Variants in FRMD4A observed in about 807,000 individuals in gnomAD.
FRMD4A encodes the protein FERM domain-containing protein 4A.
Under a neutral mutation model 129.1 loss-of-function variants are expected in FRMD4A, and 29 were observed. The ratio of observed to expected loss-of-function variants is 0.22; its 90% CI spans 0.17 to 0.31. The LOEUF (loss-of-function observed/expected upper bound fraction) is 0.31. FRMD4A is among the 10% of genes least tolerant of loss of function. The probability of loss-of-function intolerance (pLI) is 1.00; values close to 1 mark genes in which losing one functional copy is unlikely to be tolerated. For missense variants in FRMD4A, 1,272 were observed against 1,375.8 expected (o/e 0.92, Z 1.19); for synonymous variants, 634 against 571.6 (o/e 1.11, Z -1.56).
chr10:14,168,803 T>C (rs1005051708), intron 2 of FRMD4A, among the ~76,000 whole-genome samples: 2 of 152,068 alleles, frequency 1.3e-5, no homozygotes, highest in African/African-American at 4.8e-5. Context: ...AAACTGAGGC[T>C]CAAAAAAGGT....
intron 2 of FRMD4A, among the ~76,000 whole-genome samples, chr10:14,087,154 T>G (rs531591701): frequency 8.4e-4 from 127 of 151,038 alleles, no homozygotes; most frequent in East Asian, 1.9e-3. Flanking sequence ...CTCTGATTTA[T>G]AGAATTATAA....
intron 2 of FRMD4A, among the ~76,000 whole-genome samples, chr10:14,195,759 A>G (rs1201299991): frequency 6.6e-6 from 1 of 152,198 alleles, no homozygotes; most frequent in Non-Finnish European, 1.5e-5. Context: ...CCAGGATAAA[A>G]TTAATAGTAG....
intron 3 of FRMD4A, among the ~76,000 whole-genome samples, chr10:13,852,009 G>T (rs1404194495): frequency 6.6e-6 from 1 of 151,768 alleles, no homozygotes; most frequent in Non-Finnish European, 1.5e-5. Flanking sequence ...TGACATTATG[G>T]TGAGCTGTAG....
rs2081065304 is a variant in FRMD4A, at chr10:13,645,436, A to G, written c.*1602T>C. On this transcript the variant is annotated 3_prime_UTR_variant, in exon 25 of 25. Transcript: ENST00000357447. ...CGGAAACCTTTTTGTGCCATCTTGA[A>G]TAACCCAACTAAAGTCGTGCACTTG... is the stretch of plus-strand genomic sequence containing the variant. 2 of 152,414 alleles carry G rather than the reference A, an allele frequency of 1.3e-5. No homozygotes were observed. The highest frequency in any genetic ancestry group is 4.8e-5 in the African/African-American group (2 of 41,400). 9.4% of individuals were successfully genotyped at this position (152,414 alleles called of 1,614,324 possible). A position where few individuals can be genotyped will look rare whatever the true frequency, so the allele number is the denominator to read the frequency against.
chr10:13,790,750 G>C (rs1222577331), intron 5 of FRMD4A, among the ~76,000 whole-genome samples: 1 of 152,024 alleles, frequency 6.6e-6, no homozygotes, highest in Non-Finnish European at 1.5e-5. Flanking sequence ...GGAACGAGAG[G>C]CCTGTGGGGA....
At chr10:14,219,801 C>T (rs952315840) in intron 2 of FRMD4A, among the ~76,000 whole-genome samples, 3 of 152,004 alleles carry the variant, frequency 2.0e-5, no homozygotes, top group South Asian at 2.1e-4. Flanking sequence ...AGTCTGCCGG[C>T]GGGGAGGAGA....
At chr10:14,089,632 A>AG (rs1167305741) in intron 2 of FRMD4A, among the ~76,000 whole-genome samples, 2 of 142,642 alleles carry the variant, frequency 1.4e-5, no homozygotes, top group African/African-American at 2.8e-5. Flanking sequence ...AAAAAAAACA[A>AG]AAAAAAACAA....
intron 2 of FRMD4A, among the ~76,000 whole-genome samples, chr10:14,189,110 G>T (rs1410189294): frequency 7.2e-5 from 11 of 152,128 alleles, no homozygotes; most frequent in Non-Finnish European, 2.9e-5. Flanking sequence ...TCTGTGTATG[G>T]TGTCCTATAG....
chr10:14,079,657 G>A (rs1835814460), intron 2 of FRMD4A, among the ~76,000 whole-genome samples: 1 of 152,162 alleles, frequency 6.6e-6, no homozygotes. Flanking sequence ...GTGTCCCTTG[G>A]TACGTCAAAC....
intron 6 of FRMD4A, among the ~76,000 whole-genome samples, chr10:13,767,830 G>C (rs1336681499): frequency 6.6e-6 from 1 of 152,166 alleles, no homozygotes; most frequent in East Asian, 1.9e-4. Flanking sequence ...GGAGGGAGGG[G>C]TTTCTGCAGT....
chr10:13,704,323 C>A (rs118072569), intron 13 of FRMD4A, among the ~76,000 whole-genome samples: 3,504 of 152,264 alleles, frequency 0.023, 51 homozygotes, highest in Non-Finnish European at 0.037. Flanking sequence ...TGGGCCTCTC[C>A]CCCATTCCTG....
In FRMD4A at chr10:13,670,258, C is replaced by T. The variant is rs368363882; in HGVS notation, c.1374+148G>A. Reference sequence around the variant, plus strand: ...CCTACCGAGGGGAACCACATACTGACCGGCCAGCTCACTCAAGAAAAGGTA... The same window carrying T: ...CCTACCGAGGGGAACCACATACTGATCGGCCAGCTCACTCAAGAAAAGGTA... On this transcript the variant is annotated intron_variant, in intron 17 of 24. Coordinates refer to ENST00000357447, the MANE Select transcript of FRMD4A (RefSeq NM_018027.5). 2.8e-4 allele frequency: 202 copies of T among 719,276 alleles called. 3 individuals are homozygous for T. The African/African-American group carries it at 3.2e-3, about 11-fold the overall frequency. 44.6% of individuals were successfully genotyped at this position (719,276 alleles called of 1,614,324 possible).
chr10:14,185,575 T>C (rs774062824), intron 2 of FRMD4A, among the ~76,000 whole-genome samples: 3 of 152,026 alleles, frequency 2.0e-5, no homozygotes, highest in East Asian at 1.9e-4. Flanking sequence ...AGGTTCAATC[T>C]CGTCTTGTAA....
At chr10:14,135,253 A>T (rs1002144795) in intron 2 of FRMD4A, among the ~76,000 whole-genome samples, 4 of 152,192 alleles carry the variant, frequency 2.6e-5, no homozygotes, top group Admixed American at 2.6e-4. Context: ...TTAATAGTCA[A>T]ACAAGATTGA....
chr10:14,014,044 G>A (rs1243267644), intron 2 of FRMD4A, among the ~76,000 whole-genome samples: 2 of 152,188 alleles, frequency 1.3e-5, no homozygotes, highest in African/African-American at 4.8e-5. Context: ...CCCTGGACGG[G>A]TGAAGACAGC....
intron 2 of FRMD4A, among the ~76,000 whole-genome samples, chr10:14,237,671 CAG>C (rs1249721919): frequency 6.6e-6 from 1 of 152,170 alleles, no homozygotes; most frequent in Non-Finnish European, 1.5e-5. Context: ...CAGACAGAGA[CAG>C]AGAGAATTCC....
chr10:14,300,241 A>T (rs1223291809), intron 2 of FRMD4A, among the ~76,000 whole-genome samples: 1 of 152,090 alleles, frequency 6.6e-6, no homozygotes, highest in Non-Finnish European at 1.5e-5. Context: ...CTGACGTTAA[A>T]CTGCTTTATT....
rs140947502 is a variant in FRMD4A, at chr10:14,004,411, G to A, written c.46-145499C>T. 2.9e-3 allele frequency among the ~76,000 whole-genome samples: 441 copies of A among 152,206 alleles called. 5 individuals are homozygous for A. The highest frequency in any genetic ancestry group is 9.3e-3 in the African/African-American group (388 of 41,536). ...TATAAAATTATCCAAGTGTGGTGGC[G>A]CACGCCTGTAATACCAGTTGCTCTG... On this transcript the variant is annotated intron_variant, in intron 2 of 24. Coordinates refer to ENST00000357447, the MANE Select transcript of FRMD4A (RefSeq NM_018027.5).
intron 2 of FRMD4A, among the ~76,000 whole-genome samples, chr10:14,140,342 T>C (rs1255472847): frequency 1.3e-5 from 2 of 152,162 alleles, no homozygotes; most frequent in African/African-American, 2.4e-5. Flanking sequence ...GGATCACAGA[T>C]GTGAGCCACC....
Sources: allele counts gnomAD v4.1 joint callset (sites outside exome capture counted in the v4.1 genomes callset), GRCh38; gene constraint gnomAD v4.1.1; transcripts MANE v1.5; gene names NCBI Gene and HGNC (gene_info 2026-07-23, HGNC 2026-07-21).